Variants in SETD5 observed in about 807,000 individuals in gnomAD.
The protein encoded by SETD5 is SET domain containing 5.
SETD5 carries 44 observed loss-of-function variants against 153.3 expected under a neutral mutation model. The ratio of observed to expected loss-of-function variants is 0.29; its 90% CI spans 0.23 to 0.37. The LOEUF (loss-of-function observed/expected upper bound fraction) is 0.37, where lower values mean the gene tolerates loss of function less well. Among genes scored for constraint, SETD5 ranks in the 10% least tolerant of loss-of-function variants. SETD5 has a pLI of 1.00. For missense variants in SETD5, 1,544 were observed against 1,768.0 expected, an observed-to-expected ratio of 0.87 and a Z score of 2.27; for synonymous variants, 716 against 645.2, an observed-to-expected ratio of 1.11 and a Z score of -1.66.
rs538128253 is a variant in SETD5, at chr3:9,410,462, G to A, written c.-177+12485G>A. Among the ~76,000 whole-genome samples, 4 of 152,310 alleles carry A rather than the reference G, an allele frequency of 2.6e-5. No homozygotes were observed. The South Asian group carries it at 8.3e-4, about 32-fold the overall frequency. ...TGCCACCAGTTTGATACACAGTGAGGTTAATTTGTTACATTTTACTTTCAG... is the reference window on the plus strand; with the variant it reads ...TGCCACCAGTTTGATACACAGTGAGATTAATTTGTTACATTTTACTTTCAG... On this transcript the variant is annotated intron_variant, in intron 1 of 22. Transcript: ENST00000402198.
At chr3:9,446,026 GCCTGTAAT>G (rs2041942818) in intron 13 of SETD5, among the ~76,000 whole-genome samples, 1 of 133,872 alleles carries the variant, frequency 7.5e-6, no homozygotes, top group Admixed American at 8.6e-5. Context: ...GGTGGCTCAC[GCCTGTAAT>G]CCCAGCACTT....
At chr3:9,464,736 C>T (rs776712362) in intron 18 of SETD5, 64 bp downstream of exon 18, 7 of 1,608,414 alleles carry the variant, frequency 4.4e-6, no homozygotes, top group Non-Finnish European at 5.1e-6. Context: ...CTTCTCATTT[C>T]AAATATAATA....
intron 7 of SETD5, among the ~76,000 whole-genome samples, chr3:9,436,120 C>A (rs1378080232): frequency 6.6e-6 from 1 of 152,172 alleles, no homozygotes; most frequent in Non-Finnish European, 1.5e-5. Flanking sequence ...AAAGTTTCTT[C>A]TACTCCAGTC....
intron 18 of SETD5, among the ~76,000 whole-genome samples, chr3:9,466,839 A>G (rs2044639892): frequency 6.6e-6 from 1 of 152,166 alleles, no homozygotes. Flanking sequence ...AGCCTGGGTA[A>G]CATCGTGAGA....
intron 1 of SETD5, among the ~76,000 whole-genome samples, chr3:9,410,286 T>C (rs1388142985): frequency 6.6e-6 from 1 of 152,188 alleles, no homozygotes; most frequent in Non-Finnish European, 1.5e-5. Context: ...TAAAAAATGG[T>C]ACACCTTTGT....
intron 17 of SETD5, among the ~76,000 whole-genome samples, chr3:9,454,850 T>C (rs2043041347): frequency 6.6e-6 from 1 of 152,154 alleles, no homozygotes; most frequent in East Asian, 1.9e-4. Flanking sequence ...AAAAGTTCTT[T>C]GTGATTTTCA....
At chr3:9,415,089 T>G (rs1478246910) in intron 1 of SETD5, among the ~76,000 whole-genome samples, 1 of 152,162 alleles carries the variant, frequency 6.6e-6, no homozygotes, top group Admixed American at 6.5e-5. Context: ...AAAGAGACAG[T>G]AACATAAATG....
In SETD5 at chr3:9,434,751, A is replaced by G; in HGVS notation, c.330-73A>G. 1 of 1,528,976 alleles carries G rather than the reference A, an allele frequency of 6.5e-7. No homozygotes were observed. The highest frequency in any genetic ancestry group is 2.1e-5 in the Admixed American group (1 of 47,662). The allele number at this position is 1,528,976 out of a possible 1,614,324, so 94.7% of individuals were successfully genotyped here. On this transcript the variant is annotated intron_variant, in intron 5 of 22. Transcript: ENST00000402198. The surrounding 1 kb of genome is among the most constrained non-coding windows in gnomAD (Gnocchi z 5.6). ...GGGAGGGGGTAGCATATGCAGAGAC[A>G]CTTCGCCCATGTGTGCTATGATGTG...
intron 13 of SETD5, among the ~76,000 whole-genome samples, chr3:9,446,185 G>T (rs1226386066): frequency 2.7e-5 from 4 of 149,098 alleles, no homozygotes; most frequent in African/African-American, 9.9e-5. Flanking sequence ...TACTCGGGAG[G>T]CTAAGGCAGG....
intron 16 of SETD5, among the ~76,000 whole-genome samples, chr3:9,452,713 G>A (rs1392255986): frequency 8.9e-6 from 1 of 111,826 alleles, no homozygotes; most frequent in African/African-American, 3.6e-5. Context: ...TGTTTCCTAG[G>A]TTTCTAAGAG....
intron 10 of SETD5, chr3:9,442,887 AAACTT>A (rs758674116): frequency 5.3e-5 from 9 of 170,226 alleles, no homozygotes; most frequent in Non-Finnish European, 1.0e-4. Flanking sequence ...AAAAAATAGA[AAACTT>A]AGCCAGGCAT....
At chr3:9,445,512 T>C (rs2041832190) in intron 12 of SETD5, 145 bp from the exon 13 acceptor site, 2 of 868,326 alleles carry the variant, frequency 2.3e-6, no homozygotes, top group African/African-American at 1.7e-5. Context: ...GGGTTAGTTA[T>C]CATCTGTGTT....
intron 18 of SETD5, among the ~76,000 whole-genome samples, chr3:9,469,471 TCTA>T (rs2125565316): frequency 6.6e-6 from 1 of 152,336 alleles, no homozygotes; most frequent in Non-Finnish European, 1.5e-5. Context: ...TCAGTGACAG[TCTA>T]CTAAGTTCTG....
intron 18 of SETD5, among the ~76,000 whole-genome samples, chr3:9,467,352 C>T (rs1403942112): frequency 6.6e-6 from 1 of 151,882 alleles, no homozygotes; most frequent in Admixed American, 6.6e-5. Context: ...AGAACAAGAT[C>T]TTCAGGAGGG....
At chr3:9,442,344 A>C in intron 10 of SETD5, 99 bp downstream of exon 10, 2 of 823,956 alleles carry the variant, frequency 2.4e-6, no homozygotes, top group South Asian at 3.1e-5. Context: ...AGGTCTGTAG[A>C]TAATAGTCGT....
intron 18 of SETD5, among the ~76,000 whole-genome samples, chr3:9,467,496 G>A (rs73130124): frequency 0.028 from 4,253 of 151,862 alleles, 192 homozygotes; most frequent in African/African-American, 0.097. Flanking sequence ...TCACACATAC[G>A]TGCACCTAGA....
In SETD5 at chr3:9,447,084, A is replaced by C. The variant is rs1182166759; in HGVS notation, c.1559A>C (p.His520Pro). 6.2e-7 allele frequency: 1 copy of C among 1,612,820 alleles called. No individual in the cohort carries two copies. Among genetic ancestry groups the C allele is most frequent in the African/African-American group, 1.3e-5 (1 of 74,832 alleles). ...GATAGAAAGGTAGAAGCCATCATGC[A>C]TGCTTTTGAAAACTTAGAGAAAAGA... is the stretch of plus-strand genomic sequence containing the variant. ...REDRKVEAIM[H>P]AFENLEKRKK... Residue 520 changes from histidine to proline, a missense_variant, in exon 14 of 23, where the codon CAT (histidine) becomes CCT (proline). Around this residue, in one of 9 missense-constraint regions of SETD5, gnomAD observed 782 missense variants for 787.2 expected, o/e 0.99. Transcript: ENST00000402198.
At chr3:9,421,992 T>G (rs960780759) in intron 1 of SETD5, among the ~76,000 whole-genome samples, 31 of 152,302 alleles carry the variant, frequency 2.0e-4, no homozygotes, top group African/African-American at 7.5e-4. Flanking sequence ...TTTGGCTAGT[T>G]GAAGTTTAGA....
chr3:9,434,843 G>A lies in SETD5; in HGVS notation c.349G>A (p.Val117Ile), dbSNP rs764264806. The A allele has an allele frequency of 5.0e-6, 8 of 1,613,436 alleles. No homozygotes were observed. Residue 117 changes from valine (V) to isoleucine (I), a missense_variant, in exon 6 of 23, where the codon GTT becomes ATT. Val to Ile is a conservative substitution (Grantham distance 29). Coordinates refer to ENST00000402198, the MANE Select transcript of SETD5 (RefSeq NM_001080517.3). The surrounding 1 kb of genome is among the most constrained non-coding windows in gnomAD (Gnocchi z 5.6). ...DKCRGMSRGK[V>I]IRLHRRKQDN... ...CTTTAGGGGAATGAGCAGGGGGAAG[G>A]TTATTAGACTTCATCGGCGGAAGCA...
Sources: allele counts gnomAD v4.1 joint callset (sites outside exome capture counted in the v4.1 genomes callset), GRCh38; gene constraint gnomAD v4.1.1; regional missense constraint gnomAD v4.1.1; non-coding constraint Gnocchi (gnomAD v3.1); transcripts MANE v1.5; gene names NCBI Gene and HGNC (gene_info 2026-07-23, HGNC 2026-07-21).